MLIP: variants seen among roughly 807,000 people sequenced by gnomAD.
MLIP encodes the protein muscular LMNA-interacting protein.
A neutral mutation model predicts 84.8 loss-of-function variants in MLIP; 79 were observed. The observed-to-expected ratio is 0.93, with a 90% confidence interval of 0.78 to 1.12. The LOEUF (loss-of-function observed/expected upper bound fraction) is 1.12. MLIP is among the 50% of genes most tolerant of loss of function. The pLI is 0.00. For synonymous variants in MLIP, 504 were observed against 463.0 expected (o/e 1.09, Z -1.14); for missense variants, 1,257 against 1,160.6 (o/e 1.08, Z -1.21).
At chr6:54,078,613 CT>C (rs1221362485) in intron 1 of MLIP, among the ~76,000 whole-genome samples, 1 of 151,616 alleles carries the variant, frequency 6.6e-6, no homozygotes, top group Non-Finnish European at 1.5e-5. Flanking sequence ...CCAGATTTAG[CT>C]AATAAAAATA....
rs779013502 is a variant in MLIP at position 54,137,019 on chromosome 6, A to T, written c.950A>T (p.Asp317Val). 2.6e-6 allele frequency: 4 copies of T among 1,535,944 alleles called. No homozygotes were observed. In the South Asian group the frequency reaches 3.6e-5, roughly 14 times the overall value. ...AATTTACCCAGTTCAACTGCAGCAG[A>T]TCCAAAGCCTGGACTGACCTCTGAA... ...GSNLPSSTAA[D>V]PKPGLTSEVL... Residue 317 changes from aspartate (D) to valine (V), a missense_variant, in exon 4 of 14, where the codon GAT (aspartate) becomes GTT (valine). By Grantham distance (152) the Asp-to-Val change is radical. Transcript: ENST00000502396.
intron 3 of MLIP, among the ~76,000 whole-genome samples, chr6:54,134,394 C>T (rs1039133865): frequency 2.0e-4 from 30 of 151,818 alleles, no homozygotes; most frequent in African/African-American, 6.8e-4. Context: ...TAGGATACAT[C>T]GTGGCATATT....
intron 12 of MLIP, among the ~76,000 whole-genome samples, chr6:54,250,214 A>G (rs1488473900): frequency 6.6e-6 from 1 of 152,104 alleles, no homozygotes; most frequent in Non-Finnish European, 1.5e-5. Context: ...AAAATAACAG[A>G]TGCTGGCGAG....
At position 54,137,571 on chromosome 6, in the gene MLIP, C is replaced by T. The variant is rs113054059; in HGVS notation, c.1502C>T (p.Pro501Leu). 141 of 1,536,120 alleles carry T rather than the reference C, an allele frequency of 9.2e-5. 1 individual carries two copies. In the African/African-American group the frequency reaches 1.3e-3, roughly 14 times the overall value. The part of the protein sequence containing the change: ...FHLPVFTKST[P>L]LSQAPSLSPT... The stretch of plus-strand genomic sequence containing the variant: ...CTGCCTGTTTTCACCAAGTCTACTC[C>T]GCTTTCTCAGGCGCCCTCCCTCTCT... The change falls in exon 4 of 14, where the codon CCG (proline) becomes CTG (leucine). Residue 501 changes from proline (P) to leucine (L), a missense_variant. Transcript: ENST00000502396.
At chr6:54,186,568 G>A (rs1231330896) in intron 9 of MLIP, among the ~76,000 whole-genome samples, 2 of 152,204 alleles carry the variant, frequency 1.3e-5, no homozygotes, top group Admixed American at 1.3e-4. Flanking sequence ...GAAGCCTCAG[G>A]AAACTTATAA....
At chr6:54,158,483 A>G (rs1029161695) in intron 5 of MLIP, among the ~76,000 whole-genome samples, 1 of 152,070 alleles carries the variant, frequency 6.6e-6, no homozygotes, top group Non-Finnish European at 1.5e-5. Context: ...CATGGCATAT[A>G]TTTTTTGTGT....
chr6:54,216,687 A>G lies in MLIP; in HGVS notation c.2719-14027A>G, dbSNP rs895343778. ...TCACAAGTTCAAATTTTCTTGGTTCAAATCAGGATTCAAAATATATGTGTT... is the reference window on the plus strand; with the variant it reads ...TCACAAGTTCAAATTTTCTTGGTTCGAATCAGGATTCAAAATATATGTGTT... On this transcript the variant is annotated intron_variant, in intron 11 of 13. Coordinates refer to ENST00000502396, the MANE Select transcript of MLIP (RefSeq NM_001281747.2). 3 of 985,058 alleles carry G rather than the reference A, an allele frequency of 3.0e-6. No homozygotes were observed. In the African/African-American group the frequency reaches 5.2e-5, roughly 17 times the overall value. The allele number at this position is 985,058 out of a possible 1,614,324, so 61.0% of individuals were successfully genotyped here. A position where few individuals can be genotyped will look rare whatever the true frequency, so the allele number is the denominator to read the frequency against.
At position 54,149,039 on chromosome 6, in the gene MLIP, C is replaced by T. The variant is rs768024067; in HGVS notation, c.2218-17C>T. 8.1e-6 allele frequency: 13 copies of T among 1,608,920 alleles called. No individual in the cohort carries two copies. The Admixed American group carries it at 1.2e-4, about 14-fold the overall frequency. ...CCATTTTCATCTCTACTCTTGCTTTCTGGTTGCCCATTCTAGCAATACAAG... is the reference window on the plus strand; with the variant it reads ...CCATTTTCATCTCTACTCTTGCTTTTTGGTTGCCCATTCTAGCAATACAAG... On this transcript the variant is annotated splice_polypyrimidine_tract_variant and intron_variant, in intron 4 of 13. Transcript: ENST00000502396.
intron 12 of MLIP, 125 bp from the exon 13 acceptor site, chr6:54,257,183 G>A (rs954792887): frequency 1.5e-6 from 1 of 677,044 alleles, no homozygotes; most frequent in Non-Finnish European, 2.6e-6. Context: ...TTTATACTTG[G>A]TAGAATCCAC....
At chr6:54,098,064 A>G (rs1350836116) in intron 1 of MLIP, among the ~76,000 whole-genome samples, 1 of 152,044 alleles carries the variant, frequency 6.6e-6, no homozygotes, top group African/African-American at 2.4e-5. Context: ...AGTAGAGAAC[A>G]TGAGAGAAGA....
intron 12 of MLIP, among the ~76,000 whole-genome samples, chr6:54,252,492 A>G (rs1357605962): frequency 7.2e-6 from 1 of 139,218 alleles, no homozygotes; most frequent in East Asian, 2.1e-4. Flanking sequence ...TTATAACATA[A>G]TATAAATATA....
chr6:54,223,538 C>A (rs1305940805), intron 11 of MLIP, among the ~76,000 whole-genome samples: 1 of 152,012 alleles, frequency 6.6e-6, no homozygotes, highest in African/African-American at 2.4e-5. Flanking sequence ...GATTAGTTGT[C>A]CAACCATAAT....
chr6:54,055,121 C>T (rs1270769713), intron 1 of MLIP, among the ~76,000 whole-genome samples: 3 of 152,094 alleles, frequency 2.0e-5, no homozygotes, highest in African/African-American at 7.2e-5. Flanking sequence ...CTCCTGACCT[C>T]GTGATCCGCC....
chr6:54,143,217 C>CT (rs35374553), intron 4 of MLIP, among the ~76,000 whole-genome samples: 2,524 of 132,494 alleles, frequency 0.019, 38 homozygotes, highest in African/African-American at 0.044. Context: ...GGGGGATTTG[C>CT]TTTTTTTTTT....
At chr6:54,154,422 CAAT>C (rs1179959349) in intron 5 of MLIP, among the ~76,000 whole-genome samples, 1 of 152,140 alleles carries the variant, frequency 6.6e-6, no homozygotes, top group Non-Finnish European at 1.5e-5. Flanking sequence ...GAAGATTAGA[CAAT>C]ACAATCACAA....
chr6:54,064,486 C>G (rs13191653), intron 1 of MLIP, among the ~76,000 whole-genome samples: 9,677 of 99,874 alleles, frequency 0.097, 3,418 homozygotes, highest in South Asian at 0.17. Flanking sequence ...CAAGAATAAA[C>G]ATATCTCTTC....
chr6:54,218,480 T>C (rs1280425348), intron 11 of MLIP, among the ~76,000 whole-genome samples: 2 of 152,184 alleles, frequency 1.3e-5, no homozygotes, highest in Admixed American at 6.5e-5. Context: ...ACATTACTTG[T>C]ACATTATTGT....
chr6:54,213,137 C>A (rs1247066429), intron 11 of MLIP, among the ~76,000 whole-genome samples: 1 of 152,152 alleles, frequency 6.6e-6, no homozygotes, highest in Non-Finnish European at 1.5e-5. Context: ...TTGGGGATAA[C>A]TTTTGCCTTT....
chr6:54,258,097 A>G (rs1373331454), intron 13 of MLIP, among the ~76,000 whole-genome samples: 1 of 152,044 alleles, frequency 6.6e-6, no homozygotes, highest in Non-Finnish European at 1.5e-5. Flanking sequence ...AAAATAGGAG[A>G]AAAAAAGTGA....
Sources: allele counts gnomAD v4.1 joint callset (sites outside exome capture counted in the v4.1 genomes callset), GRCh38; gene constraint gnomAD v4.1.1; transcripts MANE v1.5; gene names NCBI Gene and HGNC (gene_info 2026-07-23, HGNC 2026-07-21).